The following FIGN variants were observed in gnomAD, a reference collection of about 807,000 sequenced individuals.
FIGN encodes the protein fidgetin.
FIGN carries 11 observed loss-of-function variants against 51.3 expected under a neutral mutation model. The observed-to-expected ratio is 0.21, with a 90% CI of 0.13 to 0.35. FIGN has a LOEUF of 0.35. Ranked by LOEUF, FIGN falls within the 10% of genes least tolerant of loss-of-function variation. The pLI, the probability that FIGN is intolerant of heterozygous loss-of-function variation, is 1.00. For synonymous variants in FIGN, 407 were observed against 363.2 expected (o/e 1.12, Z -1.37); for missense variants, 857 against 943.6 (o/e 0.91, Z 1.20).
chr2:163,671,277 C>T (rs1245280141), intron 2 of FIGN, among the ~76,000 whole-genome samples: 1 of 152,034 alleles, frequency 6.6e-6, no homozygotes, highest in African/African-American at 2.4e-5. Flanking sequence ...GCAGCAAAAA[C>T]AAAAAGCATA....
At position 163,609,974 on chromosome 2, in the gene FIGN, C is replaced by A. The variant is rs1230171515; in HGVS notation, c.1858G>T (p.Ala620Ser). ...CAAATTACTACGATTTGGTCCTCAG[C>A]CGAAGTTAGTACAGTGTCCAGTTGC... ...LMQLDTVLTS[A>S]EDQIVVICAT... Residue 620 changes from alanine (A) to serine (S), a missense_variant, in exon 3 of 3, where the codon GCT becomes TCT. This residue lies in a region of FIGN where 799 missense variants were observed against 849.5 expected (regional missense o/e 0.94). Transcript: ENST00000333129. 1 of 1,613,984 alleles carries A rather than the reference C, an allele frequency of 6.2e-7. No individual in the cohort carries two copies. The highest frequency in any genetic ancestry group is 8.5e-7 in the Non-Finnish European group (1 of 1,180,022).
chr2:163,658,897 G>T lies in FIGN; in HGVS notation c.26-47091C>A, dbSNP rs573299812. ...GAAGCAACACTTACTAGGAGTATCA[G>T]TTCTTTCACCCCTAAATTCCATTAT... is the stretch of plus-strand genomic sequence containing the variant. On this transcript the variant is annotated intron_variant, in intron 2 of 2. Transcript: ENST00000333129. 2.8e-4 allele frequency among the ~76,000 whole-genome samples: 42 copies of T among 152,280 alleles called. No homozygotes were observed. The South Asian group carries it at 8.5e-3, about 31-fold the overall frequency.
intron 2 of FIGN, among the ~76,000 whole-genome samples, chr2:163,647,987 G>T (rs1436058293): frequency 6.6e-6 from 1 of 152,070 alleles, no homozygotes; most frequent in Non-Finnish European, 1.5e-5. Context: ...AAGAACAAGT[G>T]GCTGAGAGAG....
At chr2:163,690,145 C>T (rs1366190648) in intron 2 of FIGN, among the ~76,000 whole-genome samples, 1 of 152,090 alleles carries the variant, frequency 6.6e-6, no homozygotes, top group East Asian at 1.9e-4. Flanking sequence ...TCAAGGAAGC[C>T]TACTACAGTG....
At chr2:163,681,795 T>A (rs1684069807) in intron 2 of FIGN, among the ~76,000 whole-genome samples, 1 of 152,212 alleles carries the variant, frequency 6.6e-6, no homozygotes, top group Non-Finnish European at 1.5e-5. Flanking sequence ...GAATCGCTTT[T>A]CCTACTGGCT....
intron 2 of FIGN, among the ~76,000 whole-genome samples, chr2:163,719,001 T>C (rs1408275556): frequency 3.3e-5 from 5 of 152,174 alleles, no homozygotes; most frequent in Non-Finnish European, 7.4e-5. Flanking sequence ...ACAGCAGCTA[T>C]ATGAATAATC....
intron 2 of FIGN, among the ~76,000 whole-genome samples, chr2:163,703,760 T>G (rs2105352109): frequency 6.6e-6 from 1 of 152,200 alleles, no homozygotes. Context: ...GAAAGCCATG[T>G]TAACTTGATT....
intron 2 of FIGN, among the ~76,000 whole-genome samples, chr2:163,676,535 A>G (rs1683974269): frequency 6.8e-6 from 1 of 146,218 alleles, no homozygotes; most frequent in Non-Finnish European, 1.5e-5. Context: ...ACTAATCTAA[A>G]CCATACCTCT....
At chr2:163,718,251 G>A (rs979214205) in intron 2 of FIGN, among the ~76,000 whole-genome samples, 2 of 152,154 alleles carry the variant, frequency 1.3e-5, no homozygotes, top group Non-Finnish European at 2.9e-5. Flanking sequence ...GGGAAAAACA[G>A]CACAGCTCAG....
intron 2 of FIGN, among the ~76,000 whole-genome samples, chr2:163,658,644 T>A (rs994075950): frequency 3.9e-5 from 6 of 152,116 alleles, no homozygotes; most frequent in Non-Finnish European, 7.4e-5. Flanking sequence ...GATGCCTGGC[T>A]TTTTTCAACA....
chr2:163,665,696 G>A (rs183703730), intron 2 of FIGN, among the ~76,000 whole-genome samples: 72 of 152,212 alleles, frequency 4.7e-4, no homozygotes, highest in South Asian at 8.3e-4. Flanking sequence ...ATAATACACC[G>A]TATTGTGCAA....
intron 2 of FIGN, 74 bp from the exon 3 acceptor site, chr2:163,611,880 T>C: frequency 7.6e-7 from 1 of 1,308,358 alleles, no homozygotes; most frequent in Non-Finnish European, 1.0e-6. Flanking sequence ...TCCCCCAATT[T>C]CTTTTGTTAC....
chr2:163,732,246 T>C (rs916288704), intron 2 of FIGN, among the ~76,000 whole-genome samples: 3 of 152,220 alleles, frequency 2.0e-5, no homozygotes, highest in African/African-American at 4.8e-5. Context: ...ATGCAGTTTA[T>C]ATTGATAACC....
Position 163,610,377 on chromosome 2 carries a change from C to A in FIGN, c.1455G>T (p.Trp485Cys). Residue 485 changes from tryptophan (W) to cysteine (C), a missense_variant, in exon 3 of 3, where the codon TGG becomes TGT. This residue lies in a region of FIGN where 799 missense variants were observed against 849.5 expected (regional missense o/e 0.94). Transcript: ENST00000333129. ...CCAGGTCGAGACCAGCAATGTCATT[C>A]CAGTCCACTGGAGGTCCTTGGGTGA... ...EIITQGPPVD[W>C]NDIAGLDLVK... 1 of 1,614,158 alleles carries A rather than the reference C, an allele frequency of 6.2e-7. No homozygotes were observed. The highest frequency in any genetic ancestry group is 8.5e-7 in the Non-Finnish European group (1 of 1,180,018).
intron 2 of FIGN, among the ~76,000 whole-genome samples, chr2:163,647,690 A>G (rs943110247): frequency 2.6e-5 from 4 of 152,214 alleles, no homozygotes; most frequent in African/African-American, 9.6e-5. Flanking sequence ...AACAAGAGGG[A>G]AAACTATTCA....
chr2:163,616,856 C>T (rs1245106701), intron 2 of FIGN, among the ~76,000 whole-genome samples: 3 of 152,072 alleles, frequency 2.0e-5, no homozygotes, highest in Admixed American at 1.3e-4. Context: ...AACTAACATA[C>T]AGAGCATTCA....
rs1691023024 is a variant in FIGN at position 163,603,630 on chromosome 2, A to G, written c.*5922T>C. 1 of 152,144 alleles carries G rather than the reference A, an allele frequency of 6.6e-6. No individual in the cohort carries two copies. The highest frequency in any genetic ancestry group is 1.5e-5 in the Non-Finnish European group (1 of 67,986). 9.4% of individuals were successfully genotyped at this position (152,144 alleles called of 1,614,324 possible). A position where few individuals can be genotyped will look rare whatever the true frequency, so the allele number is the denominator to read the frequency against. ...GATGCCACTTTGTTAATGAAACTTA[A>G]AGAATAGATTGTCAGGCATACCGGA... On this transcript the variant is annotated 3_prime_UTR_variant, in exon 3 of 3. Transcript: ENST00000333129.
chr2:163,661,815 C>T (rs1257395006), intron 2 of FIGN, among the ~76,000 whole-genome samples: 3 of 152,120 alleles, frequency 2.0e-5, no homozygotes, highest in African/African-American at 7.2e-5. Context: ...CTTGCTGCCA[C>T]CATGTAAGAA....
chr2:163,662,748 A>G (rs1238841622), intron 2 of FIGN, among the ~76,000 whole-genome samples: 1 of 152,238 alleles, frequency 6.6e-6, no homozygotes, highest in Admixed American at 6.5e-5. Context: ...TTTATCTCCC[A>G]GAATTCCCCC....
Sources: gnomAD v4.1 joint callset for allele counts (sites outside exome capture counted in the v4.1 genomes callset) on GRCh38, gnomAD v4.1.1 for gene constraint, gnomAD v4.1.1 regional missense constraint, MANE v1.5 for transcripts, NCBI Gene and HGNC (gene_info 2026-07-23, HGNC 2026-07-21) for gene names.